ARHGAP25: variants seen among roughly 807,000 people sequenced by gnomAD.
ARHGAP25 encodes the protein Rho GTPase activating protein 25, also known as rho GTPase-activating protein 25.
A neutral mutation model predicts 71.0 loss-of-function variants in ARHGAP25; 34 were observed. That is an observed-to-expected ratio of 0.48 (90% CI 0.36 to 0.64). ARHGAP25 has a LOEUF of 0.64. Among genes scored for constraint, ARHGAP25 ranks in the 30% least tolerant of loss-of-function variants. ARHGAP25 has a pLI of 0.00. For synonymous variants in ARHGAP25, 282 were observed against 296.5 expected (o/e 0.95, Z 0.50); for missense variants, 706 against 805.1 (o/e 0.88, Z 1.49).
chr2:68,759,888 A>G (rs1461089831), intron 1 of ARHGAP25, among the ~76,000 whole-genome samples: 1 of 152,072 alleles, frequency 6.6e-6, no homozygotes, highest in African/African-American at 2.4e-5. Context: ...ACATTACAAG[A>G]AAACTGCAGA....
intron 1 of ARHGAP25, among the ~76,000 whole-genome samples, chr2:68,748,756 T>C (rs1464128804): frequency 1.3e-5 from 2 of 152,144 alleles, no homozygotes; most frequent in Non-Finnish European, 2.9e-5. Context: ...GAACAGCATG[T>C]GGGTGACTGA....
intron 2 of ARHGAP25, among the ~76,000 whole-genome samples, chr2:68,780,749 TCTAGATC>T (rs1678272911): frequency 6.6e-6 from 1 of 152,156 alleles, no homozygotes; most frequent in Admixed American, 6.5e-5. Context: ...CATTTTTATT[TCTAGATC>T]CTCAAGAAAC....
chr2:68,725,857 C>T (rs1052589918), intron 2 of ARHGAP25, among the ~76,000 whole-genome samples: 1 of 152,164 alleles, frequency 6.6e-6, no homozygotes, highest in African/African-American at 2.4e-5. Context: ...AGAGCTCTTG[C>T]ACTCACACCT....
At chr2:68,810,128 TAAAAAAAA>T (rs11332513) in intron 5 of ARHGAP25, among the ~76,000 whole-genome samples, 3 of 129,146 alleles carry the variant, frequency 2.3e-5, no homozygotes, top group Non-Finnish European at 4.9e-5. Context: ...AGCCCTTGAT[TAAAAAAAA>T]AAAAAAAAAA....
At chr2:68,721,135 C>G (rs574120697) in intron 2 of ARHGAP25, among the ~76,000 whole-genome samples, 3 of 152,294 alleles carry the variant, frequency 2.0e-5, no homozygotes, top group African/African-American at 7.2e-5. Flanking sequence ...AAAATGTACA[C>G]AAGTTTTAAT....
intron 2 of ARHGAP25, among the ~76,000 whole-genome samples, chr2:68,780,489 T>A (rs371612833): frequency 1.3e-5 from 2 of 152,318 alleles, no homozygotes; most frequent in East Asian, 3.9e-4. Context: ...TTAAAGATGG[T>A]GAGGACTGTG....
At chr2:68,773,161 C>G (rs1361219317) in intron 1 of ARHGAP25, among the ~76,000 whole-genome samples, 2 of 152,020 alleles carry the variant, frequency 1.3e-5, no homozygotes, top group Non-Finnish European at 2.9e-5. Flanking sequence ...CAATATTGGA[C>G]CGAAGGATGA....
intron 4 of ARHGAP25, among the ~76,000 whole-genome samples, chr2:68,792,413 C>G (rs1679245534): frequency 6.6e-6 from 1 of 152,140 alleles, no homozygotes; most frequent in African/African-American, 2.4e-5. Context: ...GCCTTCCATC[C>G]CCTCATCCTT....
At chr2:68,712,822 T>A (rs553818466) in intron 2 of ARHGAP25, among the ~76,000 whole-genome samples, 2 of 152,340 alleles carry the variant, frequency 1.3e-5, no homozygotes, top group East Asian at 3.9e-4. Flanking sequence ...TGGTTGTAGA[T>A]GTGTAGCATT....
chr2:68,733,461 TA>T (rs1432405955), upstream of ARHGAP25, among the ~76,000 whole-genome samples: 4 of 152,164 alleles, frequency 2.6e-5, no homozygotes, highest in Non-Finnish European at 5.9e-5. Flanking sequence ...AATGGGACTC[TA>T]GCCCAAGGGG....
At chr2:68,779,717 A>G (rs1372862504) in intron 2 of ARHGAP25, among the ~76,000 whole-genome samples, 1 of 152,152 alleles carries the variant, frequency 6.6e-6, no homozygotes. Context: ...TTCCATCTTT[A>G]TACAGAGCCC....
At chr2:68,788,529 T>A (rs986475824) in intron 4 of ARHGAP25, among the ~76,000 whole-genome samples, 3 of 152,242 alleles carry the variant, frequency 2.0e-5, no homozygotes, top group Admixed American at 1.3e-4. Context: ...AACACTTTTC[T>A]GGGTTTCACA....
chr2:68,720,376 C>G (rs1349322189), intron 2 of ARHGAP25, among the ~76,000 whole-genome samples: 2 of 149,030 alleles, frequency 1.3e-5, no homozygotes, highest in East Asian at 3.9e-4. Context: ...AGCTCCTATA[C>G]TTGCTCTGGA....
chr2:68,800,215 T>G (rs1679868762), intron 4 of ARHGAP25, among the ~76,000 whole-genome samples: 1 of 151,490 alleles, frequency 6.6e-6, no homozygotes, highest in Non-Finnish European at 1.5e-5. Context: ...GAGCTCTCCC[T>G]GAGGCCTGGG....
At chr2:68,803,401 T>A (rs1345241495) in intron 4 of ARHGAP25, among the ~76,000 whole-genome samples, 2 of 152,282 alleles carry the variant, frequency 1.3e-5, no homozygotes, top group East Asian at 1.9e-4. Context: ...AAGTGCAGGC[T>A]AATGAAACCA....
In ARHGAP25 at chr2:68,769,535, G is replaced by A. The variant is rs112844457; in HGVS notation, c.62-5686G>A. On this transcript the variant is annotated intron_variant, in intron 1 of 10. Transcript: ENST00000409202. ...CTGTTAGGCACTGTGTTAGGTGCAC[G>A]ATACAAGGATGAGCAAGGCCAAACA... Among the ~76,000 whole-genome samples, 13 of 152,230 alleles carry A rather than the reference G, an allele frequency of 8.5e-5. 1 individual carries two copies. The South Asian group carries it at 1.7e-3, about 19-fold the overall frequency.
At chr2:68,775,076 G>A in intron 1 of ARHGAP25, 145 bp from the exon 2 acceptor site, 1 of 1,542,922 alleles carries the variant, frequency 6.5e-7, no homozygotes, top group African/African-American at 1.4e-5. Context: ...GACTTTCTCT[G>A]GCTCAGATCC....
intron 4 of ARHGAP25, among the ~76,000 whole-genome samples, chr2:68,805,588 T>C (rs1680302584): frequency 6.6e-6 from 1 of 151,974 alleles, no homozygotes; most frequent in South Asian, 2.1e-4. Flanking sequence ...AGCAGAATGA[T>C]GCTTTAGAAA....
intron 1 of ARHGAP25, among the ~76,000 whole-genome samples, chr2:68,741,902 G>A (rs1024436778): frequency 3.9e-5 from 6 of 152,166 alleles, no homozygotes; most frequent in African/African-American, 1.4e-4. Context: ...TTCATTTCAT[G>A]CACTCATTGA....
Sources: gnomAD v4.1 joint callset for allele counts (sites outside exome capture counted in the v4.1 genomes callset) on GRCh38, gnomAD v4.1.1 for gene constraint, MANE v1.5 for transcripts, NCBI Gene and HGNC (gene_info 2026-07-23, HGNC 2026-07-21) for gene names.